ZNF385B: variants seen among roughly 807,000 people sequenced by gnomAD.
ZNF385B encodes zinc finger protein 385B.
ZNF385B carries 23 observed loss-of-function variants against 39.2 expected under a neutral mutation model. The ratio of observed to expected loss-of-function variants is 0.59; its 90% CI spans 0.42 to 0.83. The LOEUF is 0.83. ZNF385B is among the 40% of genes least tolerant of loss of function. The pLI is 0.00. For synonymous variants in ZNF385B, 205 were observed against 222.6 expected, an observed-to-expected ratio of 0.92 and a Z score of 0.70; for missense variants, 552 against 598.9, an observed-to-expected ratio of 0.92 and a Z score of 0.82.
chr2:179,545,111 T>C, intron 3 of ZNF385B, 142 bp from the exon 4 acceptor site: 2 of 924,996 alleles, frequency 2.2e-6, no homozygotes, highest in Middle Eastern at 2.2e-4. Context: ...GGCACAGGAG[T>C]AGTAAACACA....
At chr2:179,775,925 T>C (rs1233783031) in intron 1 of ZNF385B, among the ~76,000 whole-genome samples, 1 of 152,196 alleles carries the variant, frequency 6.6e-6, no homozygotes, top group Non-Finnish European at 1.5e-5. Context: ...TGGATTTAAA[T>C]TGTATCGTCC....
chr2:179,786,499 T>C (rs1705010722), intron 1 of ZNF385B, among the ~76,000 whole-genome samples: 1 of 152,084 alleles, frequency 6.6e-6, no homozygotes. Context: ...TTAGCCAAAC[T>C]GAGGTCTGAT....
chr2:179,737,280 A>AT (rs1479696179), intron 3 of ZNF385B, among the ~76,000 whole-genome samples: 1 of 152,222 alleles, frequency 6.6e-6, no homozygotes, highest in East Asian at 1.9e-4. Context: ...TATAACGAGA[A>AT]AATGTTACTT....
At chr2:179,572,514 A>G (rs1685338722) in intron 3 of ZNF385B, among the ~76,000 whole-genome samples, 1 of 152,098 alleles carries the variant, frequency 6.6e-6, no homozygotes, top group Non-Finnish European at 1.5e-5. Flanking sequence ...CAATTTGAGT[A>G]TGAACCGAGG....
intron 3 of ZNF385B, among the ~76,000 whole-genome samples, chr2:179,740,955 C>T (rs779372207): frequency 5.3e-5 from 8 of 152,044 alleles, no homozygotes; most frequent in East Asian, 1.9e-4. Flanking sequence ...GGAATTTGTC[C>T]ACTAGGGCAA....
At chr2:179,747,667 A>G (rs992722353) in intron 3 of ZNF385B, among the ~76,000 whole-genome samples, 1 of 152,060 alleles carries the variant, frequency 6.6e-6, no homozygotes, top group East Asian at 1.9e-4. Context: ...TTAAAATTAA[A>G]CCAGGATATT....
At chr2:179,767,015 T>C (rs1409412984) in intron 3 of ZNF385B, among the ~76,000 whole-genome samples, 2 of 152,148 alleles carry the variant, frequency 1.3e-5, no homozygotes, top group Non-Finnish European at 2.9e-5. Context: ...CATTCTCAGA[T>C]GGATTCTGAC....
intron 3 of ZNF385B, among the ~76,000 whole-genome samples, chr2:179,627,273 T>C (rs1690743897): frequency 6.6e-6 from 1 of 152,166 alleles, no homozygotes; most frequent in African/African-American, 2.4e-5. Context: ...TTTGAAACTT[T>C]GAAACTGCCC....
intron 5 of ZNF385B, among the ~76,000 whole-genome samples, chr2:179,494,504 T>C (rs1553573351): frequency 6.6e-6 from 1 of 152,216 alleles, no homozygotes; most frequent in Non-Finnish European, 1.5e-5. Context: ...CGGATATTTA[T>C]AATTTTTCAC....
chr2:179,844,985 A>T (rs953867674), intron 1 of ZNF385B, among the ~76,000 whole-genome samples: 14 of 152,202 alleles, frequency 9.2e-5, no homozygotes, highest in African/African-American at 3.4e-4. Flanking sequence ...TACAGTATCC[A>T]TATACCTGGG....
At chr2:179,542,152 G>C (rs997228040) in intron 4 of ZNF385B, among the ~76,000 whole-genome samples, 1 of 152,038 alleles carries the variant, frequency 6.6e-6, no homozygotes, top group Admixed American at 6.6e-5. Context: ...TATTCTATTG[G>C]GTGAGTTGGA....
intron 9 of ZNF385B, 89 bp from the exon 10 acceptor site, chr2:179,443,557 C>T: frequency 1.0e-6 from 1 of 974,140 alleles, no homozygotes; most frequent in African/African-American, 1.6e-5. Context: ...AAAACACCAA[C>T]ATTAAGAAGT....
chr2:179,473,965 A>G (rs2053119130), intron 6 of ZNF385B, among the ~76,000 whole-genome samples: 1 of 152,196 alleles, frequency 6.6e-6, no homozygotes, highest in Non-Finnish European at 1.5e-5. Context: ...AGGTTATATG[A>G]GTTCAGTGAG....
chr2:179,610,179 A>G (rs1434762115), intron 3 of ZNF385B, among the ~76,000 whole-genome samples: 1 of 152,014 alleles, frequency 6.6e-6, no homozygotes, highest in East Asian at 1.9e-4. Flanking sequence ...TTATTTTACT[A>G]GTTTCATAGG....
intron 3 of ZNF385B, among the ~76,000 whole-genome samples, chr2:179,571,930 T>C (rs7594895): frequency 0.21 from 32,257 of 151,992 alleles, 3,903 homozygotes; most frequent in African/African-American, 0.33. Flanking sequence ...TTCTGTAAGT[T>C]GATGCCCTAA....
chr2:179,790,807 T>C (rs1477649496), intron 1 of ZNF385B, among the ~76,000 whole-genome samples: 1 of 152,212 alleles, frequency 6.6e-6, no homozygotes, highest in Non-Finnish European at 1.5e-5. Context: ...AGGAGGAGAA[T>C]GAACCAGATG....
intron 1 of ZNF385B, among the ~76,000 whole-genome samples, chr2:179,803,286 A>C (rs1706144376): frequency 6.6e-6 from 1 of 152,170 alleles, no homozygotes; most frequent in Non-Finnish European, 1.5e-5. Flanking sequence ...TTTAGTAAAT[A>C]TGAACATTTC....
intron 3 of ZNF385B, among the ~76,000 whole-genome samples, chr2:179,646,239 A>C (rs148882397): frequency 1.4e-3 from 217 of 152,348 alleles, no homozygotes; most frequent in African/African-American, 4.9e-3. Flanking sequence ...ACATGGTGAA[A>C]GCCCATCTCT....
intron 3 of ZNF385B, among the ~76,000 whole-genome samples, chr2:179,688,186 G>C (rs1698071131): frequency 6.6e-6 from 1 of 152,138 alleles, no homozygotes; most frequent in Non-Finnish European, 1.5e-5. Context: ...AGGTATATGA[G>C]TTAGAGGTGG....
Sources: gnomAD v4.1 joint callset for allele counts (sites outside exome capture counted in the v4.1 genomes callset) on GRCh38, gnomAD v4.1.1 for gene constraint, MANE v1.5 for transcripts, NCBI Gene and HGNC (gene_info 2026-07-23, HGNC 2026-07-21) for gene names.